The following CEP170B variants were observed in gnomAD, a reference collection of about 807,000 sequenced individuals.
CEP170B encodes the protein centrosomal protein 170B.
A neutral mutation model predicts 120.6 loss-of-function variants in CEP170B; 55 were observed. The ratio of observed to expected loss-of-function variants is 0.46; its 90% confidence interval spans 0.37 to 0.57. The LOEUF (loss-of-function observed/expected upper bound fraction) is 0.57, where lower values mean the gene tolerates loss of function less well. CEP170B is among the 20% of genes least tolerant of loss of function. The pLI is 0.00. For synonymous variants in CEP170B, 1,033 were observed against 954.5 expected (o/e 1.08, Z -1.52); for missense variants, 2,212 against 2,253.3 (o/e 0.98, Z 0.37).
chr14:104,894,674 C>T, intron 18 of CEP170B, 37 bp from the exon 19 acceptor site: 1 of 1,572,858 alleles, frequency 6.4e-7, no homozygotes, highest in Non-Finnish European at 8.6e-7. Context: ...AGCAGGTGAA[C>T]TGGATCCGCA....
Position 104,886,063 on chromosome 14 carries a change from T to C in CEP170B, c.1968T>C (p.Pro656=). 1 of 1,544,832 alleles carries C rather than the reference T, an allele frequency of 6.5e-7. No individual in the cohort carries two copies. Among genetic ancestry groups the C allele is most frequent in the Non-Finnish European group, 8.7e-7 (1 of 1,144,150 alleles). The change falls in exon 11 of 19, where the codon CCT becomes CCC. Residue 656 remains proline, a synonymous_variant. Transcript: ENST00000414716. ...EHQGLPVPGS[P]GGQKWVSRWA... Reference sequence around the variant, plus strand: ...AGGGCCTCCCGGTGCCGGGCTCCCCTGGGGGTCAGAAGTGGGTGTCCCGCT... The same window carrying C: ...AGGGCCTCCCGGTGCCGGGCTCCCCCGGGGGTCAGAAGTGGGTGTCCCGCT...
Position 104,895,934 on chromosome 14 carries a change from A to AGTTCCT in CEP170B, c.*977_*978insTTCCTG, listed in dbSNP as rs1236786601. ...TCAGGCCTCAAGTGGGCATGGGGGCAGGGACGGGCCCAGGAACTGTTGTTT... is the reference window on the plus strand; with the variant it reads ...TCAGGCCTCAAGTGGGCATGGGGGCAGTTCCTGGGACGGGCCCAGGAACTGTTGTTT... On this transcript the variant is annotated 3_prime_UTR_variant, in exon 19 of 19. Transcript: ENST00000414716. 1.3e-5 allele frequency: 2 copies of AGTTCCT among 153,104 alleles called. No individual in the cohort carries two copies. Among genetic ancestry groups the AGTTCCT allele is most frequent in the Non-Finnish European group, 1.5e-5 (1 of 68,534 alleles). 9.5% of individuals were successfully genotyped at this position (153,104 alleles called of 1,614,324 possible).
In CEP170B at chr14:104,883,841, C is replaced by G; in HGVS notation, c.1062C>G (p.His354Gln). Residue 354 changes from histidine to glutamine, a missense_variant, in exon 9 of 19, where the codon CAC (histidine) becomes CAG (glutamine). Physicochemically the swap from His to Gln is conservative, Grantham distance 24 (BLOSUM62 0). Coordinates refer to ENST00000414716, the MANE Select transcript of CEP170B (RefSeq NM_001112726.3). ...CCCTGTCTCCCCCAGGCCACAAGCA[C>G]GAGGACGGCACGCAGAGTGACTCAG... ...VHTRTLKGHK[H>Q]EDGTQSDSED... 4 of 1,554,582 alleles carry G rather than the reference C, an allele frequency of 2.6e-6. No homozygotes were observed. The highest frequency in any genetic ancestry group is 3.5e-6 in the Non-Finnish European group (4 of 1,149,900).
At chr14:104,873,053 C>T (rs1595314515) in intron 2 of CEP170B, among the ~76,000 whole-genome samples, 1 of 151,866 alleles carries the variant, frequency 6.6e-6, no homozygotes, top group East Asian at 1.9e-4. Flanking sequence ...GCTGGAGGCT[C>T]GGCCAAGTGA....
chr14:104,883,187 G>T lies in CEP170B; in HGVS notation c.730G>T (p.Ala244Ser), dbSNP rs1259487106. 1 of 1,609,864 alleles carries T rather than the reference G, an allele frequency of 6.2e-7. No individual in the cohort carries two copies. The highest frequency in any genetic ancestry group is 2.2e-5 in the East Asian group (1 of 44,798). ...GCCGTCGCAGCCCCCCGAGGTGCCG[G>T]CACACGAGATGCCCACGAAGGATGC... Reference protein sequence around the residue: ...PQPSQPPEVPAHEMPTKDAEA... With the variant: ...PQPSQPPEVPSHEMPTKDAEA... Residue 244 changes from alanine (A) to serine (S), a missense_variant, in exon 8 of 19, where the codon GCA (alanine) becomes TCA (serine). This residue lies in a region of CEP170B where 2,166 missense variants were observed against 2,166.7 expected (regional missense o/e 1.00). Coordinates refer to ENST00000414716, the MANE Select transcript of CEP170B (RefSeq NM_001112726.3).
At position 104,891,997 on chromosome 14, in the gene CEP170B, C is replaced by T. The variant is rs114141093; in HGVS notation, c.3879-979C>T. Among the ~76,000 whole-genome samples, 42 of 151,858 alleles carry T rather than the reference C, an allele frequency of 2.8e-4. No homozygotes were observed. Among genetic ancestry groups the T allele is most frequent in the African/African-American group, 9.2e-4 (38 of 41,392 alleles). On this transcript the variant is annotated intron_variant, in intron 13 of 18. Transcript: ENST00000414716. The surrounding 1 kb of genome is among the most constrained non-coding windows in gnomAD (Gnocchi z 4.3). ...TTTCTCTGGTCGTGCCAGTGTCTGGCGAGGGTTGTGGTGCCGCTGGAGGTA... is the reference window on the plus strand; with the variant it reads ...TTTCTCTGGTCGTGCCAGTGTCTGGTGAGGGTTGTGGTGCCGCTGGAGGTA...
chr14:104,878,895 T>C (rs1257522159), intron 5 of CEP170B, among the ~76,000 whole-genome samples: 1 of 152,286 alleles, frequency 6.6e-6, no homozygotes, highest in East Asian at 1.9e-4. Flanking sequence ...ACAGAACAAA[T>C]GGCTCATTGG....
chr14:104,886,951 C>A lies in CEP170B; in HGVS notation c.2712C>A (p.Asp904Glu). ...DLAATRAARM[D>E]FHSQDTHLIL... Reference sequence around the variant, plus strand: ...CCGCTACCCGGGCCGCACGCATGGACTTCCACTCCCAGGACACCCACCTGA... The same window carrying A: ...CCGCTACCCGGGCCGCACGCATGGAATTCCACTCCCAGGACACCCACCTGA... Residue 904 changes from aspartate to glutamate, a missense_variant, in exon 12 of 19, where the codon GAC becomes GAA. Asp to Glu is a conservative substitution (Grantham distance 45). Coordinates refer to ENST00000414716, the MANE Select transcript of CEP170B (RefSeq NM_001112726.3). 2 of 1,608,802 alleles carry A rather than the reference C, an allele frequency of 1.2e-6. No individual in the cohort carries two copies. Among genetic ancestry groups the A allele is most frequent in the Non-Finnish European group, 1.7e-6 (2 of 1,179,800 alleles).
chr14:104,887,428 C>T lies in CEP170B; in HGVS notation c.3189C>T (p.Ser1063=). Reference sequence around the variant, plus strand: ...TACCCAGCTCAGATGTGATGGCCTCCAACCACGAAACCCCTGAGGCCACCG... The same window carrying T: ...TACCCAGCTCAGATGTGATGGCCTCTAACCACGAAACCCCTGAGGCCACCG... The part of the protein sequence containing the change: ...AHLPSSDVMA[S]NHETPEATGA... Residue 1063 remains serine, a synonymous_variant, in exon 12 of 19, where the codon TCC becomes TCT. Coordinates refer to ENST00000414716, the MANE Select transcript of CEP170B (RefSeq NM_001112726.3). 6.2e-7 allele frequency: 1 copy of T among 1,611,576 alleles called. No individual in the cohort carries two copies. Among genetic ancestry groups the T allele is most frequent in the Non-Finnish European group, 8.5e-7 (1 of 1,179,336 alleles).
chr14:104,885,930 A>G (rs969066028), intron 10 of CEP170B, 110 bp from the exon 11 acceptor site: 12 of 962,426 alleles, frequency 1.2e-5, no homozygotes, highest in South Asian at 1.8e-5. Flanking sequence ...GGTGGCGCGC[A>G]TGCGTGGGGC....
At chr14:104,890,999 GTGGA>G (rs1555394164) in intron 13 of CEP170B, among the ~76,000 whole-genome samples, 1 of 60,806 alleles carries the variant, frequency 1.6e-5, no homozygotes, top group Non-Finnish European at 3.8e-5. Flanking sequence ...GTGGGTGGGT[GTGGA>G]TGGATGGATG....
intron 10 of CEP170B, 145 bp from the exon 11 acceptor site, chr14:104,885,895 A>G: frequency 1.3e-6 from 1 of 755,830 alleles, no homozygotes. Flanking sequence ...TTGCAGGGGC[A>G]CGCTTGCTCA....
At chr14:104,882,945 C>A (rs1595338039) in intron 7 of CEP170B, 90 bp from the exon 8 acceptor site, 1 of 1,452,076 alleles carries the variant, frequency 6.9e-7, no homozygotes, top group Non-Finnish European at 9.2e-7. Context: ...CCTGTCTCCC[C>A]CTCTTGGGTG....
At chr14:104,876,384 C>G (rs1477862201) in intron 3 of CEP170B, 39 bp downstream of exon 3, 1 of 1,537,604 alleles carries the variant, frequency 6.5e-7, no homozygotes, top group Non-Finnish European at 8.8e-7. Context: ...TTTAACAGCT[C>G]GACCCTTCAG....
At chr14:104,875,577 G>A (rs1373405345) in intron 2 of CEP170B, among the ~76,000 whole-genome samples, 1 of 152,086 alleles carries the variant, frequency 6.6e-6, no homozygotes, top group Non-Finnish European at 1.5e-5. Flanking sequence ...CAGCAGCTGT[G>A]CTCGCAGTGC....
In CEP170B at chr14:104,869,935, C is replaced by T. The variant is rs1176809593; in HGVS notation, c.105+1380C>T. Among the ~76,000 whole-genome samples the T allele has an allele frequency of 3.3e-5, 5 of 152,356 alleles. No individual in the cohort carries two copies. In the South Asian group the frequency reaches 1.0e-3, roughly 32 times the overall value. On this transcript the variant is annotated intron_variant, in intron 2 of 18. Transcript: ENST00000414716. Reference sequence around the variant, plus strand: ...CCAGACATCCCAGCTTCTCCCCAGGCGTCCTCTGATCCTCTTGAGTCTGGA... The same window carrying T: ...CCAGACATCCCAGCTTCTCCCCAGGTGTCCTCTGATCCTCTTGAGTCTGGA...
At position 104,880,414 on chromosome 14, in the gene CEP170B, G is replaced by A; in HGVS notation, c.461G>A (p.Arg154Lys). The A allele has an allele frequency of 6.2e-7, 1 of 1,612,324 alleles. No homozygotes were observed. The highest frequency in any genetic ancestry group is 8.5e-7 in the Non-Finnish European group (1 of 1,179,584). The change falls in exon 6 of 19, where the codon AGA (arginine) becomes AAA (lysine). Residue 154 changes from arginine (R) to lysine (K), a missense_variant. Arg to Lys is a conservative substitution (Grantham distance 26). Coordinates refer to ENST00000414716, the MANE Select transcript of CEP170B (RefSeq NM_001112726.3). The stretch of plus-strand genomic sequence containing the variant: ...CCCAGGCCGGAGAAGGGGGACCGGA[G>A]ACCAGGAACAGGTAGGCCCAGGCAG... ...SNPRPEKGDRRPGTEAASYRT... is the reference protein window; with the variant it reads ...SNPRPEKGDRKPGTEAASYRT...
At position 104,885,525 on chromosome 14, in the gene CEP170B, C is replaced by G. The variant is rs1167206952; in HGVS notation, c.1927C>G (p.Pro643Ala). 1 of 1,564,562 alleles carries G rather than the reference C, an allele frequency of 6.4e-7. No homozygotes were observed. Among genetic ancestry groups the G allele is most frequent in the East Asian group, 2.3e-5 (1 of 42,560 alleles). The change falls in exon 10 of 19, where the codon CCC (proline) becomes GCC (alanine). Residue 643 changes from proline to alanine, a missense_variant. By Grantham distance (27) the Pro-to-Ala change is conservative. Around this residue, in one of 2 missense-constraint regions of CEP170B, gnomAD observed 2,166 missense variants for 2,166.7 expected, o/e 1.00. Transcript: ENST00000414716. ...TGCCTCCCGGCCACTGGGTGCGGCC[C>G]CCCAGGCGGAGCACCAGGTACAGGC... ...EFASRPLGAA[P>A]QAEHQGLPVP...
In CEP170B at chr14:104,877,903, C is replaced by A; in HGVS notation, c.214C>A (p.Arg72Ser). The A allele has an allele frequency of 6.7e-7, 1 of 1,483,142 alleles. No individual in the cohort carries two copies. Among genetic ancestry groups the A allele is most frequent in the Non-Finnish European group, 9.1e-7 (1 of 1,103,312 alleles). The allele number at this position is 1,483,142 out of a possible 1,614,324, so 91.9% of individuals were successfully genotyped here. ...SLNGTFVNDM[R>S]IPDQKYVTLK... is the part of the protein sequence containing the mutation. ...CCTGCAGACGTTTGTGAATGACATG[C>A]GCATCCCGGACCAGAAGTACGTCAC... The change falls in exon 4 of 19, where the codon CGC (arginine) becomes AGC (serine). Residue 72 changes from arginine to serine, a missense_variant. Arg to Ser is a moderately radical substitution (Grantham distance 110). Transcript: ENST00000414716.
Sources: allele counts gnomAD v4.1 joint callset (sites outside exome capture counted in the v4.1 genomes callset), GRCh38; gene constraint gnomAD v4.1.1; regional missense constraint gnomAD v4.1.1; non-coding constraint Gnocchi (gnomAD v3.1); transcripts MANE v1.5; gene names NCBI Gene and HGNC (gene_info 2026-07-23, HGNC 2026-07-21).